The following CSNK2A2 variants were observed in gnomAD, a reference collection of about 807,000 sequenced individuals.
The protein encoded by CSNK2A2 is casein kinase 2 alpha 2.
A neutral mutation model predicts 54.0 loss-of-function variants in CSNK2A2; 8 were observed. The ratio of observed to expected loss-of-function variants is 0.15; its 90% CI spans 0.09 to 0.27. CSNK2A2 has a LOEUF of 0.27. Ranked by LOEUF, CSNK2A2 falls within the 10% of genes least tolerant of loss-of-function variation. The pLI is 1.00. For missense variants in CSNK2A2, 242 were observed against 439.4 expected (o/e 0.55, Z 4.02); for synonymous variants, 141 against 153.9 (o/e 0.92, Z 0.62).
At chr16:58,185,449 C>CA (rs1962168003) in intron 3 of CSNK2A2, among the ~76,000 whole-genome samples, 3 of 152,130 alleles carry the variant, frequency 2.0e-5, no homozygotes, top group Admixed American at 2.0e-4. Flanking sequence ...GTAAAACATA[C>CA]ACATACTTTA....
chr16:58,185,762 T>C (rs543040523), intron 3 of CSNK2A2, among the ~76,000 whole-genome samples: 1 of 152,200 alleles, frequency 6.6e-6, no homozygotes, highest in African/African-American at 2.4e-5. Flanking sequence ...GGAAAAACTT[T>C]CCTTATGCTT....
rs1264894464 is a variant in CSNK2A2 at position 58,190,475 on chromosome 16, T to C, written c.217-3619A>G. ...GTTCAGCCTGGATGATGGCACGTAA[T>C]TCACTACCCTGGTGGCATCCCTAAA... On this transcript the variant is annotated intron_variant, in intron 2 of 11. Transcript: ENST00000262506. Among the ~76,000 whole-genome samples the C allele has an allele frequency of 2.6e-5, 4 of 152,188 alleles. No individual in the cohort carries two copies. In the East Asian group the frequency reaches 7.7e-4, roughly 29 times the overall value.
At chr16:58,164,898 G>A (rs1961520409) in intron 10 of CSNK2A2, among the ~76,000 whole-genome samples, 1 of 152,184 alleles carries the variant, frequency 6.6e-6, no homozygotes, top group Admixed American at 6.5e-5. Flanking sequence ...GACTTTAAGG[G>A]GTGAACGTTT....
At chr16:58,196,879 C>G (rs1043015500) in intron 1 of CSNK2A2, 35 bp from the exon 2 acceptor site, 1 of 1,397,338 alleles carries the variant, frequency 7.2e-7, no homozygotes, top group Non-Finnish European at 1.0e-6. Flanking sequence ...AATGCCAGGA[C>G]TGGGGGTTAA....
intron 4 of CSNK2A2, among the ~76,000 whole-genome samples, chr16:58,177,000 T>C (rs1255081655): frequency 2.0e-5 from 3 of 152,236 alleles, no homozygotes; most frequent in African/African-American, 7.2e-5. Context: ...AATTTGGTGA[T>C]AAAAGATCTC....
intron 7 of CSNK2A2, 47 bp downstream of exon 7, chr16:58,167,638 C>T (rs750117740): frequency 7.1e-7 from 1 of 1,412,308 alleles, no homozygotes; most frequent in Non-Finnish European, 1.0e-6. Flanking sequence ...CCAGAAAAGC[C>T]CTAAGCAAGT....
intron 11 of CSNK2A2, chr16:58,159,931 C>A (rs1961282062): frequency 6.6e-6 from 1 of 152,102 alleles, no homozygotes; most frequent in African/African-American, 2.4e-5. Context: ...AAAACAATCC[C>A]CAATACATGC....
intron 11 of CSNK2A2, 129 bp downstream of exon 11, chr16:58,163,925 C>T: frequency 1.4e-6 from 1 of 717,176 alleles, no homozygotes; most frequent in Non-Finnish European, 2.3e-6. Flanking sequence ...TTTTGACAGA[C>T]TTTTAGGTCT....
intron 4 of CSNK2A2, among the ~76,000 whole-genome samples, chr16:58,182,512 G>A (rs188636055): frequency 5.0e-4 from 71 of 143,200 alleles, no homozygotes; most frequent in Middle Eastern, 3.8e-3. Context: ...CCGAGATTGC[G>A]CTATTGCACT....
In CSNK2A2 at chr16:58,197,485, G is replaced by A. The variant is rs1460514473; in HGVS notation, c.104+148C>T. On this transcript the variant is annotated intron_variant, in intron 1 of 11. Coordinates refer to ENST00000262506, the MANE Select transcript of CSNK2A2 (RefSeq NM_001896.4). This position sits in a 1 kb window ranked among gnomAD's most constrained non-coding sequence, Gnocchi z 4.0. Reference sequence around the variant, plus strand: ...TAAAGGGGAGGGAAGAGGAAGACGAGGACATGTGCGAGAGCGGGACCTCTG... The same window carrying A: ...TAAAGGGGAGGGAAGAGGAAGACGAAGACATGTGCGAGAGCGGGACCTCTG... The A allele has an allele frequency of 1.3e-5, 6 of 461,104 alleles. No homozygotes were observed. The highest frequency in any genetic ancestry group is 1.2e-4 in the East Asian group (3 of 24,252). 28.6% of individuals were successfully genotyped at this position (461,104 alleles called of 1,614,324 possible).
chr16:58,179,800 C>T lies in CSNK2A2; in HGVS notation c.369+4460G>A, dbSNP rs928257259. 3.3e-5 allele frequency among the ~76,000 whole-genome samples: 5 copies of T among 152,048 alleles called. No individual in the cohort carries two copies. The East Asian group carries it at 7.7e-4, about 23-fold the overall frequency. ...ATTGTCAAGAAAAACAAAATCAAGG[C>T]CAGGCGTGGTGGCCCACACCTGTAA... is the stretch of plus-strand genomic sequence containing the variant. On this transcript the variant is annotated intron_variant, in intron 4 of 11. Coordinates refer to ENST00000262506, the MANE Select transcript of CSNK2A2 (RefSeq NM_001896.4).
chr16:58,162,988 C>T (rs932951346), intron 11 of CSNK2A2: 2 of 152,208 alleles, frequency 1.3e-5, no homozygotes, highest in Admixed American at 6.5e-5. Flanking sequence ...CATATCAGAA[C>T]TTACAAATGC....
At chr16:58,181,694 T>G (rs1441192186) in intron 4 of CSNK2A2, among the ~76,000 whole-genome samples, 3 of 152,162 alleles carry the variant, frequency 2.0e-5, no homozygotes, top group Admixed American at 6.5e-5. Flanking sequence ...ATGTGAAGTC[T>G]AACATTTGAA....
intron 10 of CSNK2A2, 56 bp from the exon 11 acceptor site, chr16:58,164,203 C>G (rs373373387): frequency 1.0e-4 from 154 of 1,539,836 alleles, no homozygotes; most frequent in Non-Finnish European, 1.3e-4. Flanking sequence ...CTGAGAGAAG[C>G]CCATGGCAAA....
In CSNK2A2 at chr16:58,166,560, A is replaced by ACTCTCT. The variant is rs112507755; in HGVS notation, c.827+18_827+23dup. 6 of 1,397,460 alleles carry ACTCTCT rather than the reference A, an allele frequency of 4.3e-6. No individual in the cohort carries two copies. In the Admixed American group the frequency reaches 1.0e-4, roughly 24 times the overall value. The allele number at this position is 1,397,460 out of a possible 1,614,324, so 86.6% of individuals were successfully genotyped here. A position where few individuals can be genotyped will look rare whatever the true frequency, so the allele number is the denominator to read the frequency against. ...CTTCTGAAACGGGGTAAGGTAAAGC[A>ACTCTCT]CTCTCTCTCTCTCTCTTACTTACTG... On this transcript the variant is annotated intron_variant, in intron 9 of 11. Coordinates refer to ENST00000262506, the MANE Select transcript of CSNK2A2 (RefSeq NM_001896.4).
intron 11 of CSNK2A2, chr16:58,160,896 T>G (rs1961324615): frequency 6.6e-6 from 1 of 152,256 alleles, no homozygotes; most frequent in East Asian, 1.9e-4. Context: ...CTTTAAACCT[T>G]GTGAGTGCTG....
chr16:58,168,757 AG>A, intron 5 of CSNK2A2, 64 bp from the exon 6 acceptor site: 1 of 1,268,012 alleles, frequency 7.9e-7, no homozygotes, highest in Non-Finnish European at 1.1e-6. Context: ...ACGCAAGCAT[AG>A]TCTTATTGTT....
intron 4 of CSNK2A2, among the ~76,000 whole-genome samples, chr16:58,182,391 A>AAAC (rs1962069163): frequency 1.4e-5 from 2 of 145,284 alleles, no homozygotes; most frequent in Non-Finnish European, 3.0e-5. Flanking sequence ...AAAAAAAAAA[A>AAAC]AAAAAAAAAA....
At chr16:58,182,662 G>A (rs185125097) in intron 4 of CSNK2A2, among the ~76,000 whole-genome samples, 5 of 152,042 alleles carry the variant, frequency 3.3e-5, no homozygotes, top group African/African-American at 4.8e-5. Flanking sequence ...TTTAAAACTT[G>A]GGGAATTACA....
Sources: allele counts gnomAD v4.1 joint callset (sites outside exome capture counted in the v4.1 genomes callset), GRCh38; gene constraint gnomAD v4.1.1; non-coding constraint Gnocchi (gnomAD v3.1); transcripts MANE v1.5; gene names NCBI Gene and HGNC (gene_info 2026-07-23, HGNC 2026-07-21).